PNLIPRP3: variants seen among roughly 807,000 people sequenced by gnomAD.
PNLIPRP3 encodes the protein pancreatic lipase related protein 3.
Under a neutral mutation model 52.8 loss-of-function variants are expected in PNLIPRP3, and 58 were observed. The ratio of observed to expected loss-of-function variants is 1.10; its 90% CI spans 0.89 to 1.37. The LOEUF is 1.37. Ranked by LOEUF, PNLIPRP3 falls within the 40% of genes most tolerant of loss-of-function variation. PNLIPRP3 has a pLI of 0.00. For synonymous variants in PNLIPRP3, 192 were observed against 185.0 expected (o/e 1.04, Z -0.31); for missense variants, 593 against 561.6 (o/e 1.06, Z -0.57).
At chr10:116,462,684 T>C (rs1473672269) in intron 7 of PNLIPRP3, among the ~76,000 whole-genome samples, 1 of 152,174 alleles carries the variant, frequency 6.6e-6, no homozygotes. Context: ...AGGCATATTA[T>C]AAAATTGATT....
chr10:116,433,634 C>T (rs768081032), intron 1 of PNLIPRP3, among the ~76,000 whole-genome samples: 10 of 151,506 alleles, frequency 6.6e-5, no homozygotes, highest in Non-Finnish European at 1.2e-4. Flanking sequence ...GACCATTATA[C>T]ACATTCATCT....
Position 116,455,727 on chromosome 10 carries a change from A to T in PNLIPRP3, c.462A>T (p.Lys154Asn), listed in dbSNP as rs780964946. ...VAYFIDVLMK[K>N]FEYSPSKVHL... ...CTGTTAAACAATTCTTTCAGAAAAA[A>T]TTTGAATATTCCCCTTCTAAAGTGC... Residue 154 changes from lysine to asparagine, a missense_variant, in exon 5 of 12, where the codon AAA (lysine) becomes AAT (asparagine). Coordinates refer to ENST00000369230, the MANE Select transcript of PNLIPRP3 (RefSeq NM_001011709.3). 22 of 1,612,350 alleles carry T rather than the reference A, an allele frequency of 1.4e-5. No individual in the cohort carries two copies. In the African/African-American group the frequency reaches 2.8e-4, roughly 21 times the overall value.
At chr10:116,466,984 T>G (rs1207639308) in intron 8 of PNLIPRP3, among the ~76,000 whole-genome samples, 2 of 152,198 alleles carry the variant, frequency 1.3e-5, no homozygotes, top group African/African-American at 4.8e-5. Flanking sequence ...CATATCCTCC[T>G]TGTCCCCGAC....
chr10:116,428,528 A>T (rs1845668070), intron 1 of PNLIPRP3, among the ~76,000 whole-genome samples: 1 of 152,184 alleles, frequency 6.6e-6, no homozygotes, highest in African/African-American at 2.4e-5. Context: ...GAATTAACTA[A>T]TTATTAATGT....
chr10:116,471,848 G>GAA lies in PNLIPRP3; in HGVS notation c.1141_1142insAA (p.Val381GlufsTer19), dbSNP rs539127048. ...TGTCTTTCTTCGTGTAGGCGGGGCAGTTAGGAAAACTGGGGAGTTTGCCAT... is the reference window on the plus strand; with the variant it reads ...TGTCTTTCTTCGTGTAGGCGGGGCAGAATTAGGAAAACTGGGGAGTTTGCCAT... On this transcript the variant is annotated frameshift_variant, in exon 10 of 12. Coordinates refer to ENST00000369230, the MANE Select transcript of PNLIPRP3 (RefSeq NM_001011709.3). LOFTEE classifies it high-confidence loss of function. 5,254 of 1,607,480 alleles carry GAA rather than the reference G, an allele frequency of 3.3e-3. 168 individuals carry two copies. The African/African-American group carries it at 0.063, about 19-fold the overall frequency.
In PNLIPRP3 at chr10:116,431,981, C is replaced by A. The variant is rs182477053; in HGVS notation, c.49+3920C>A. Among the ~76,000 whole-genome samples, 24 of 152,172 alleles carry A rather than the reference C, an allele frequency of 1.6e-4. 1 individual carries two copies. The highest frequency in any genetic ancestry group is 1.4e-3 in the Admixed American group (22 of 15,268). On this transcript the variant is annotated intron_variant, in intron 1 of 11. Transcript: ENST00000369230. ...TATTTAAACTGCAAACCCCTCCTCA[C>A]CTAAACACACAAACACCCTCATCCC...
At chr10:116,463,962 G>A (rs1036122026) in intron 7 of PNLIPRP3, among the ~76,000 whole-genome samples, 2 of 150,028 alleles carry the variant, frequency 1.3e-5, no homozygotes, top group Non-Finnish European at 3.0e-5. Context: ...GGCACAACAA[G>A]ATAGTGAGGC....
At chr10:116,474,621 C>T (rs74682087) in intron 10 of PNLIPRP3, among the ~76,000 whole-genome samples, 151 of 152,232 alleles carry the variant, frequency 9.9e-4, no homozygotes, top group Non-Finnish European at 1.5e-3. Flanking sequence ...CAAACAACTA[C>T]ATTACCAAGC....
At chr10:116,475,501 G>T (rs577146281) in intron 10 of PNLIPRP3, among the ~76,000 whole-genome samples, 1 of 152,178 alleles carries the variant, frequency 6.6e-6, no homozygotes, top group South Asian at 2.1e-4. Flanking sequence ...CAATGTATGG[G>T]CAATGAGTGA....
chr10:116,439,237 G>A (rs956290147), intron 2 of PNLIPRP3, among the ~76,000 whole-genome samples: 3 of 152,060 alleles, frequency 2.0e-5, no homozygotes, highest in African/African-American at 7.2e-5. Flanking sequence ...TTGGAAATAC[G>A]TACAACTTTC....
intron 1 of PNLIPRP3, among the ~76,000 whole-genome samples, chr10:116,434,176 G>A (rs1589974471): frequency 6.6e-6 from 1 of 152,170 alleles, no homozygotes; most frequent in East Asian, 1.9e-4. Context: ...CTCCTTTTGT[G>A]ACCTTTTTAT....
At chr10:116,468,967 T>C (rs1242652667) in intron 8 of PNLIPRP3, among the ~76,000 whole-genome samples, 1 of 152,256 alleles carries the variant, frequency 6.6e-6, no homozygotes, top group Non-Finnish European at 1.5e-5. Context: ...TCTATTCATA[T>C]CATCTACCCA....
At chr10:116,468,461 G>A (rs1234808774) in intron 8 of PNLIPRP3, among the ~76,000 whole-genome samples, 4 of 152,096 alleles carry the variant, frequency 2.6e-5, no homozygotes, top group African/African-American at 4.8e-5. Flanking sequence ...CCTTGTCCGC[G>A]TGATTCAGGG....
intron 1 of PNLIPRP3, among the ~76,000 whole-genome samples, chr10:116,430,740 C>A (rs181173061): frequency 6.6e-6 from 1 of 152,246 alleles, no homozygotes; most frequent in East Asian, 1.9e-4. Flanking sequence ...TACACAACTG[C>A]CATAAATTTA....
intron 2 of PNLIPRP3, among the ~76,000 whole-genome samples, 188 bp downstream of exon 2, chr10:116,437,053 T>A (rs183351984): frequency 2.6e-5 from 4 of 151,818 alleles, no homozygotes; most frequent in African/African-American, 9.7e-5. Context: ...TTCTGATATA[T>A]CTGATTTAAA....
chr10:116,429,385 G>A (rs1315529327), intron 1 of PNLIPRP3, among the ~76,000 whole-genome samples: 1 of 152,152 alleles, frequency 6.6e-6, no homozygotes, highest in East Asian at 1.9e-4. Flanking sequence ...TACTCAATCT[G>A]CAATTCATGT....
intron 1 of PNLIPRP3, among the ~76,000 whole-genome samples, chr10:116,430,402 G>T (rs748268232): frequency 2.8e-4 from 43 of 152,258 alleles, no homozygotes; most frequent in Admixed American, 4.6e-4. Context: ...TTTAAGATCT[G>T]CTTTAATTTC....
chr10:116,467,258 GGC>G (rs1371144385), intron 8 of PNLIPRP3, among the ~76,000 whole-genome samples: 1 of 152,088 alleles, frequency 6.6e-6, no homozygotes, highest in Admixed American at 6.6e-5. Flanking sequence ...AGCCAGCTGT[GGC>G]ATGCACCTGT....
At chr10:116,459,279 AAT>A (rs1846157429) in intron 5 of PNLIPRP3, among the ~76,000 whole-genome samples, 3 of 145,088 alleles carry the variant, frequency 2.1e-5, no homozygotes, top group Admixed American at 2.0e-4. Flanking sequence ...TAGTCAGAAA[AAT>A]AAAAAAAAAA....
Sources: allele counts gnomAD v4.1 joint callset (sites outside exome capture counted in the v4.1 genomes callset), GRCh38; gene constraint gnomAD v4.1.1; transcripts MANE v1.5; gene names NCBI Gene and HGNC (gene_info 2026-07-23, HGNC 2026-07-21).